The following CDC25A variants were observed in gnomAD, a reference collection of about 807,000 sequenced individuals.
CDC25A encodes cell division cycle 25A, also known as M-phase inducer phosphatase 1.
A neutral mutation model predicts 64.6 loss-of-function variants in CDC25A; 17 were observed. The ratio of observed to expected loss-of-function variants is 0.26; its 90% CI spans 0.18 to 0.39. The LOEUF is 0.39. Among genes scored for constraint, CDC25A ranks in the 10% least tolerant of loss-of-function variants. CDC25A has a pLI of 1.00. For synonymous variants in CDC25A, 229 were observed against 238.6 expected (o/e 0.96, Z 0.37); for missense variants, 473 against 654.8 (o/e 0.72, Z 3.03).
intron 5 of CDC25A, chr3:48,181,416 C>T (rs2032663033): frequency 1.7e-6 from 1 of 592,872 alleles, no homozygotes; most frequent in African/African-American, 1.9e-5. Context: ...TCACAGGTCC[C>T]TTGCCCTAAA....
At chr3:48,181,960 T>C (rs980461449) in intron 5 of CDC25A, among the ~76,000 whole-genome samples, 2 of 152,308 alleles carry the variant, frequency 1.3e-5, no homozygotes, top group African/African-American at 4.8e-5. Flanking sequence ...GCCCAAAATA[T>C]TGAAGTAAAA....
Position 48,174,325 on chromosome 3 carries a change from C to T in CDC25A, c.889G>A (p.Ala297Thr). ...GGATTAGTTGACTCTTTGGGGCTGG[C>T]CCCAGACATGCTCTTCCTCCTCTTT... is the stretch of plus-strand genomic sequence containing the variant. ...STKRRKSMSG[A>T]SPKESTNPEK... The change falls in exon 9 of 15, where the codon GCC becomes ACC. Residue 297 changes from alanine to threonine, a missense_variant. This residue lies in a region of CDC25A where 376 missense variants were observed against 431.9 expected (regional missense o/e 0.87). Coordinates refer to ENST00000302506, the MANE Select transcript of CDC25A (RefSeq NM_001789.3). 1 of 1,614,186 alleles carries T rather than the reference C, an allele frequency of 6.2e-7. No homozygotes were observed. Among genetic ancestry groups the T allele is most frequent in the Non-Finnish European group, 8.5e-7 (1 of 1,180,024 alleles).
intron 13 of CDC25A, among the ~76,000 whole-genome samples, chr3:48,160,961 G>A (rs888212946): frequency 7.9e-5 from 12 of 151,714 alleles, no homozygotes; most frequent in Admixed American, 3.3e-4. Context: ...AGACCAGCCT[G>A]GCCAAGATAG....
chr3:48,166,140 C>A (rs535847879), intron 10 of CDC25A, among the ~76,000 whole-genome samples: 1 of 152,180 alleles, frequency 6.6e-6, no homozygotes, highest in Non-Finnish European at 1.5e-5. Flanking sequence ...CAAAAATTAG[C>A]CGGGCGTTAG....
chr3:48,186,857 A>G (rs554997226), intron 1 of CDC25A, 78 bp from the exon 2 acceptor site: 1 of 968,918 alleles, frequency 1.0e-6, no homozygotes, highest in Admixed American at 2.1e-5. Context: ...AGGCCATGAG[A>G]TTAAGAAGCA....
chr3:48,178,010 T>A, intron 6 of CDC25A, 22 bp from the exon 7 acceptor site: 1 of 1,594,718 alleles, frequency 6.3e-7, no homozygotes, highest in East Asian at 2.2e-5. Context: ...AATTCATGGA[T>A]TAATAATGAG....
Position 48,188,015 on chromosome 3 carries a change from G to T in CDC25A, c.-68C>A. 8.1e-7 allele frequency: 1 copy of T among 1,241,216 alleles called. No homozygotes were observed. The highest frequency in any genetic ancestry group is 1.0e-6 in the Non-Finnish European group (1 of 975,366). 76.9% of individuals were successfully genotyped at this position (1,241,216 alleles called of 1,614,324 possible). Reference sequence around the variant, plus strand: ...GCCTCCGCCGCGACCGCCCCGCCCCGCCGACACCGGCCTCGGCCGCGCGCC... The same window carrying T: ...GCCTCCGCCGCGACCGCCCCGCCCCTCCGACACCGGCCTCGGCCGCGCGCC... On this transcript the variant is annotated 5_prime_UTR_variant, in exon 1 of 15. Transcript: ENST00000302506.
chr3:48,178,923 A>G (rs1483673533), intron 6 of CDC25A, among the ~76,000 whole-genome samples: 1 of 152,236 alleles, frequency 6.6e-6, no homozygotes. Flanking sequence ...AAAAGTTTAG[A>G]GTTATTTTTT....
At chr3:48,183,112 G>A in intron 4 of CDC25A, 82 bp from the exon 5 acceptor site, 3 of 951,600 alleles carry the variant, frequency 3.2e-6, no homozygotes, top group Non-Finnish European at 5.0e-6. Context: ...GAAAAAAAAG[G>A]GGGGTTGAAT....
At chr3:48,160,516 T>C (rs536683574) in intron 13 of CDC25A, among the ~76,000 whole-genome samples, 55 of 151,582 alleles carry the variant, frequency 3.6e-4, no homozygotes, top group Non-Finnish European at 2.1e-4. Context: ...GTTCAAGGGA[T>C]GCTCCTGCCT....
Position 48,187,709 on chromosome 3 carries a change from T to C in CDC25A, c.170+69A>G, listed in dbSNP as rs552571233. On this transcript the variant is annotated intron_variant, in intron 1 of 14. Transcript: ENST00000302506. ...CTCGCCCTTCTCCCGGTCCGTTTCC[T>C]GGCCTGATCTCTCCGAGGCCGACAC... 7.7e-6 allele frequency: 11 copies of C among 1,433,268 alleles called. No homozygotes were observed. The African/African-American group carries it at 1.6e-4, about 21-fold the overall frequency. 88.8% of individuals were successfully genotyped at this position (1,433,268 alleles called of 1,614,324 possible).
intron 8 of CDC25A, among the ~76,000 whole-genome samples, chr3:48,175,318 A>C (rs562248290): frequency 2.0e-5 from 3 of 152,144 alleles, no homozygotes; most frequent in Admixed American, 1.3e-4. Flanking sequence ...TAAATAAATA[A>C]AGACAAATTT....
chr3:48,165,637 T>C lies in CDC25A; in HGVS notation c.1190A>G (p.Lys397Arg), dbSNP rs2031983616. Residue 397 changes from lysine to arginine, a missense_variant and splice_region_variant, in exon 12 of 15, where the codon AAG becomes AGG. Transcript: ENST00000302506. ...YPYEYEGGHI[K>R]GAVNLHMEEE... ...ACAGCAAGTCTCAGGAATCCATACCTTGATGTGGCCTCCCTCGTATTCATA... is the reference window on the plus strand; with the variant it reads ...ACAGCAAGTCTCAGGAATCCATACCCTGATGTGGCCTCCCTCGTATTCATA... 6.2e-7 allele frequency: 1 copy of C among 1,607,216 alleles called. No individual in the cohort carries two copies. The highest frequency in any genetic ancestry group is 1.3e-5 in the African/African-American group (1 of 74,758).
chr3:48,183,727 C>G lies in CDC25A; in HGVS notation c.327+73G>C, dbSNP rs375320951. ...GTTTTTACTCTCTAAATTAAGTCTCCTATCAAGGTCATGCTGGTAGCTAAG... is the reference window on the plus strand; with the variant it reads ...GTTTTTACTCTCTAAATTAAGTCTCGTATCAAGGTCATGCTGGTAGCTAAG... On this transcript the variant is annotated intron_variant, in intron 4 of 14. Transcript: ENST00000302506. 3.3e-6 allele frequency: 3 copies of G among 921,862 alleles called. No homozygotes were observed. In the Admixed American group the frequency reaches 5.6e-5, roughly 17 times the overall value. The allele number at this position is 921,862 out of a possible 1,614,324, so 57.1% of individuals were successfully genotyped here.
At chr3:48,186,615 C>T (rs1307594581) in intron 2 of CDC25A, 88 bp downstream of exon 2, 2 of 766,398 alleles carry the variant, frequency 2.6e-6, no homozygotes, top group South Asian at 3.1e-5. Context: ...ATGACTTCCT[C>T]AAGTTCTCAC....
intron 5 of CDC25A, among the ~76,000 whole-genome samples, chr3:48,182,151 C>G (rs2032693142): frequency 6.6e-6 from 1 of 152,196 alleles, no homozygotes. Context: ...AAGGCTGGAA[C>G]TCATTTCCAT....
chr3:48,168,819 AT>A (rs1186105695), intron 9 of CDC25A, among the ~76,000 whole-genome samples: 2 of 151,598 alleles, frequency 1.3e-5, no homozygotes, highest in African/African-American at 2.4e-5. Flanking sequence ...CGCCCAGCTA[AT>A]TTTTGTATTT....
At chr3:48,164,531 A>G in intron 12 of CDC25A, 94 bp from the exon 13 acceptor site, 1 of 1,203,456 alleles carries the variant, frequency 8.3e-7, no homozygotes, top group South Asian at 2.0e-5. Flanking sequence ...GTGATCTTTA[A>G]GTCCACAAGA....
In CDC25A at chr3:48,182,952, CGAT is replaced by C. The variant is rs2032719525; in HGVS notation, c.403_405del (p.Ile135del). The stretch of plus-strand genomic sequence containing the variant: ...ACATTTTCCTTGTTCTCATCTGGGT[CGAT>C]GAGCTGAAAGATGTCATGGTCAAGA... On this transcript the variant is annotated inframe_deletion, in exon 5 of 15. Transcript: ENST00000302506. 3 of 1,611,418 alleles carry C rather than the reference CGAT, an allele frequency of 1.9e-6. No individual in the cohort carries two copies.
Sources: gnomAD v4.1 joint callset for allele counts (sites outside exome capture counted in the v4.1 genomes callset) on GRCh38, gnomAD v4.1.1 for gene constraint, gnomAD v4.1.1 regional missense constraint, MANE v1.5 for transcripts, NCBI Gene and HGNC (gene_info 2026-07-23, HGNC 2026-07-21) for gene names.